CUBN: variants seen among roughly 807,000 people sequenced by gnomAD.
CUBN encodes the protein cubilin, also known as 460 kDa receptor.
Under a neutral mutation model 405.3 loss-of-function variants are expected in CUBN, and 282 were observed. That is an observed-to-expected ratio of 0.70 (90% CI 0.63 to 0.77). CUBN has a LOEUF of 0.77. CUBN is among the 30% of genes least tolerant of loss of function. CUBN has a pLI of 0.00. For missense variants in CUBN, 4,514 were observed against 4,475.2 expected (o/e 1.01, Z -0.25); for synonymous variants, 1,684 against 1,617.0 (o/e 1.04, Z -0.99).
Position 16,906,295 on chromosome 10 carries a change from T to C in CUBN, c.7820A>G (p.Asn2607Ser). 4.3e-6 allele frequency: 7 copies of C among 1,613,820 alleles called. No individual in the cohort carries two copies. Among genetic ancestry groups the C allele is most frequent in the Non-Finnish European group, 5.9e-6 (7 of 1,179,670 alleles). ...AATGGAAATGGATGAATTTCCCTGA[T>C]TTGGATTGCTGAGAGTCCATTCGCA... ...LNCEWTLSNP[N>S]QGNSSISIHF... Residue 2607 changes from asparagine to serine, a missense_variant, in exon 50 of 67, where the codon AAT becomes AGT. Physicochemically the swap from Asn to Ser is conservative, Grantham distance 46 (BLOSUM62 1). Around this residue, in one of 5 missense-constraint regions of CUBN, gnomAD observed 1,613 missense variants for 1,542.8 expected, o/e 1.05. Coordinates refer to ENST00000377833, the MANE Select transcript of CUBN (RefSeq NM_001081.4).
At chr10:16,966,184 C>T (rs1687706) in intron 31 of CUBN, among the ~76,000 whole-genome samples, 52,152 of 151,644 alleles carry the variant, frequency 0.34, 9,074 homozygotes, top group Middle Eastern at 0.45. Context: ...ATTGGGCTCC[C>T]GTGGCTTTCC....
chr10:16,859,274 A>G (rs1839948236), intron 59 of CUBN, among the ~76,000 whole-genome samples: 1 of 152,196 alleles, frequency 6.6e-6, no homozygotes, highest in Admixed American at 6.5e-5. Context: ...TCAAAACCCA[A>G]CAATAGAAAA....
intron 7 of CUBN, 57 bp from the exon 8 acceptor site, chr10:17,114,246 C>G: frequency 1.9e-6 from 3 of 1,562,056 alleles, no homozygotes; most frequent in Non-Finnish European, 2.6e-6. Flanking sequence ...CAAGAAAAGC[C>G]TTTGAACATT....
intron 59 of CUBN, among the ~76,000 whole-genome samples, chr10:16,854,936 C>CCTTCCTTCCTTCCTTCCTT (rs1564387641): frequency 3.4e-4 from 43 of 125,732 alleles, no homozygotes; most frequent in African/African-American, 1.2e-3. Flanking sequence ...CTTCCTTCCT[C>CCTTCCTTCCTTCCTTCCTT]CCTCCCTCCC....
chr10:17,085,846 A>G (rs559333104), intron 15 of CUBN, 87 bp from the exon 16 acceptor site: 4 of 1,241,532 alleles, frequency 3.2e-6, no homozygotes, highest in African/African-American at 3.0e-5. Context: ...CATAAAATCT[A>G]TCATTTAAAA....
chr10:17,054,053 C>A (rs915385702), intron 22 of CUBN, among the ~76,000 whole-genome samples: 2 of 152,000 alleles, frequency 1.3e-5, no homozygotes, highest in Non-Finnish European at 2.9e-5. Flanking sequence ...TGGGAGGTGG[C>A]TGGGCGCAGT....
At chr10:17,077,864 T>G (rs767459369) in intron 17 of CUBN, among the ~76,000 whole-genome samples, 14 of 152,208 alleles carry the variant, frequency 9.2e-5, no homozygotes, top group Non-Finnish European at 1.9e-4. Context: ...ATTAGTATGT[T>G]TCATGATTTT....
Position 17,071,521 on chromosome 10 carries a change from A to C in CUBN, c.2530T>G (p.Trp844Gly). 6.2e-7 allele frequency: 1 copy of C among 1,613,990 alleles called. No homozygotes were observed. Among genetic ancestry groups the C allele is most frequent in the Non-Finnish European group, 8.5e-7 (1 of 1,179,950 alleles). The change falls in exon 19 of 67, where the codon TGG becomes GGG. Residue 844 changes from tryptophan (W) to glycine (G), a missense_variant. By Grantham distance (184) the Trp-to-Gly change is radical. Transcript: ENST00000377833. Reference sequence around the variant, plus strand: ...TGGCTTTGGGGCTGGTGGATGGTCCACCTACAGGTTCTTTCTCCAGGATAC... The same window carrying C: ...TGGCTTTGGGGCTGGTGGATGGTCCCCCTACAGGTTCTTTCTCCAGGATAC... ...NVYPGERTCR[W>G]TIHQPQSQVI...
At position 16,916,022 on chromosome 10, in the gene CUBN, C is replaced by A. The variant is rs775766640; in HGVS notation, c.7009G>T (p.Gly2337Trp). 1.2e-6 allele frequency: 2 copies of A among 1,613,256 alleles called. No homozygotes were observed. The highest frequency in any genetic ancestry group is 2.2e-5 in the East Asian group (1 of 44,864). ...CCACTTTGCCCTGGTACTCTTCCCCCACACTGAGCTGCAAAAAATAAAAAT... is the reference window on the plus strand; with the variant it reads ...CCACTTTGCCCTGGTACTCTTCCCCAACACTGAGCTGCAAAAAATAAAAAT... Reference protein sequence around the residue: ...FKAKYSIAQCGGRVPGQSGVV... With the variant: ...FKAKYSIAQCWGRVPGQSGVV... Residue 2337 changes from glycine (G) to tryptophan (W), a missense_variant, in exon 46 of 67, where the codon GGG becomes TGG. Gly to Trp is a radical substitution (Grantham distance 184, BLOSUM62 -2). This residue lies in a region of CUBN where 1,613 missense variants were observed against 1,542.8 expected (regional missense o/e 1.05). Coordinates refer to ENST00000377833, the MANE Select transcript of CUBN (RefSeq NM_001081.4).
rs776922164 is a variant in CUBN at position 17,100,123 on chromosome 10, A to C, written c.1647T>G (p.Cys549Trp). The C allele has an allele frequency of 3.1e-6, 5 of 1,613,812 alleles. No individual in the cohort carries two copies. The Admixed American group carries it at 8.3e-5, about 27-fold the overall frequency. Residue 549 changes from cysteine to tryptophan, a missense_variant, in exon 14 of 67, where the codon TGT becomes TGG. Cys to Trp is a radical substitution (Grantham distance 215, BLOSUM62 -2). This residue lies in a region of CUBN where 1,448 missense variants were observed against 1,388.0 expected (regional missense o/e 1.04). Transcript: ENST00000377833. Reference sequence around the variant, plus strand: ...GGAGTTCATGAGGGAGGCTGGAGCCACAAAATCTTCCAAGTTGAAAAGCAG... The same window carrying C: ...GGAGTTCATGAGGGAGGCTGGAGCCCCAAAATCTTCCAAGTTGAAAAGCAG... ...SSSAFQLGRF[C>W]GSSLPHELLS...
chr10:17,013,926 C>A (rs1834255845), intron 28 of CUBN, among the ~76,000 whole-genome samples: 1 of 152,212 alleles, frequency 6.6e-6, no homozygotes, highest in Non-Finnish European at 1.5e-5. Flanking sequence ...TCTCAGGCTG[C>A]ATAAATCTGG....
At chr10:16,837,839 C>A (rs1451928629) in intron 62 of CUBN, among the ~76,000 whole-genome samples, 1 of 152,168 alleles carries the variant, frequency 6.6e-6, no homozygotes, top group African/African-American at 2.4e-5. Context: ...AAACATTATT[C>A]AGTCATGACA....
At chr10:17,023,576 T>C in intron 27 of CUBN, 1 of 455,888 alleles carries the variant, frequency 2.2e-6, no homozygotes, top group Non-Finnish European at 4.4e-6. Flanking sequence ...GCCGTCTCAC[T>C]GATTCTGATT....
intron 22 of CUBN, among the ~76,000 whole-genome samples, chr10:17,064,431 G>A (rs1835567277): frequency 6.6e-6 from 1 of 152,198 alleles, no homozygotes; most frequent in Admixed American, 6.5e-5. Context: ...CAGGATGCCA[G>A]AGTGTGTCAC....
At chr10:16,898,916 C>A (rs572592002) in intron 54 of CUBN, 80 bp downstream of exon 54, 2 of 1,102,910 alleles carry the variant, frequency 1.8e-6, no homozygotes, top group Non-Finnish European at 1.4e-6. Flanking sequence ...TTACTTTGAG[C>A]GACAATGAAT....
At chr10:17,016,591 G>T (rs1333143836) in intron 28 of CUBN, among the ~76,000 whole-genome samples, 3 of 152,186 alleles carry the variant, frequency 2.0e-5, no homozygotes, top group South Asian at 2.1e-4. Flanking sequence ...GGTCTGCGTT[G>T]ATCTGCTTTA....
At position 17,099,953 on chromosome 10, in the gene CUBN, C is replaced by A. The variant is rs1033765; in HGVS notation, c.1765+52G>T. Reference sequence around the variant, plus strand: ...CCAAAAGTCTAACACTGATTAAGAACACTTAATAACCTCAAAATTTTGCTT... The same window carrying A: ...CCAAAAGTCTAACACTGATTAAGAAAACTTAATAACCTCAAAATTTTGCTT... On this transcript the variant is annotated intron_variant, in intron 14 of 66. Coordinates refer to ENST00000377833, the MANE Select transcript of CUBN (RefSeq NM_001081.4). 0.84 allele frequency: 1,045,392 copies of A among 1,247,768 alleles called. 444,199 individuals are homozygous for A. The highest frequency in any genetic ancestry group is 0.89 in the Non-Finnish European group (758,579 of 849,010). 77.3% of individuals were successfully genotyped at this position (1,247,768 alleles called of 1,614,324 possible). A position where few individuals can be genotyped will look rare whatever the true frequency, so the allele number is the denominator to read the frequency against.
intron 14 of CUBN, among the ~76,000 whole-genome samples, chr10:17,099,160 A>C (rs1234934668): frequency 1.3e-5 from 2 of 152,212 alleles, no homozygotes; most frequent in African/African-American, 4.8e-5. Context: ...AGGATAGATA[A>C]AAACACCAGT....
rs780830378 is a variant in CUBN, at chr10:16,901,410, G to T, written c.8112C>A (p.Asn2704Lys). The change falls in exon 52 of 67, where the codon AAC becomes AAA. Residue 2704 changes from asparagine (N) to lysine (K), a missense_variant. By Grantham distance (94) the Asn-to-Lys change is moderately conservative. This residue lies in a region of CUBN where 1,186 missense variants were observed against 1,186.9 expected (regional missense o/e 1.00). Coordinates refer to ENST00000377833, the MANE Select transcript of CUBN (RefSeq NM_001081.4). The part of the protein sequence containing the change: ...IGDSGVITSP[N>K]YPNAYDSLTH... ...TCAGGCTGTCATAAGCATTTGGATA[G>T]TTGGGGCTTGTGATCACTCCACTGT... The T allele has an allele frequency of 1.2e-6, 2 of 1,614,158 alleles. No individual in the cohort carries two copies. The highest frequency in any genetic ancestry group is 4.5e-5 in the East Asian group (2 of 44,876).
Sources: allele counts gnomAD v4.1 joint callset (sites outside exome capture counted in the v4.1 genomes callset), GRCh38; gene constraint gnomAD v4.1.1; regional missense constraint gnomAD v4.1.1; transcripts MANE v1.5; gene names NCBI Gene and HGNC (gene_info 2026-07-23, HGNC 2026-07-21).